ZNF225: variants seen among roughly 807,000 people sequenced by gnomAD.
ZNF225 encodes zinc finger protein 225.
Under a neutral mutation model 12.0 loss-of-function variants are expected in ZNF225, and 6 were observed. That is an observed-to-expected ratio of 0.50 (90% CI 0.27 to 0.98). The LOEUF (loss-of-function observed/expected upper bound fraction) is 0.98, where lower values mean the gene tolerates loss of function less well. ZNF225 is among the 50% of genes least tolerant of loss of function. The pLI, the probability that ZNF225 is intolerant of heterozygous loss-of-function variation, is 0.11. For missense variants in ZNF225, 763 were observed against 848.2 expected (o/e 0.90, Z 1.25); for synonymous variants, 271 against 283.2 (o/e 0.96, Z 0.43).
Position 44,133,526 on chromosome 19 carries a change from T to C in ZNF225, c.*791T>C, listed in dbSNP as rs1235173010. ...CATGTGAGCTCGCTTTAAGCATAAG[T>C]GAAGGAGTGGAAAAATCCTGGAGAT... On this transcript the variant is annotated 3_prime_UTR_variant, in exon 5 of 5. Coordinates refer to ENST00000262894, the MANE Select transcript of ZNF225 (RefSeq NM_013362.4). The C allele has an allele frequency of 1.3e-5, 2 of 152,038 alleles. No individual in the cohort carries two copies. The highest frequency in any genetic ancestry group is 2.9e-5 in the Non-Finnish European group (2 of 68,016). The allele number at this position is 152,038 out of a possible 1,614,324, so 9.4% of individuals were successfully genotyped here. A position where few individuals can be genotyped will look rare whatever the true frequency, so the allele number is the denominator to read the frequency against.
rs771314967 is a variant in ZNF225 at position 44,130,925 on chromosome 19, G to A, written c.311G>A (p.Trp104Ter). 1.9e-5 allele frequency: 31 copies of A among 1,613,916 alleles called. No homozygotes were observed. Among genetic ancestry groups the A allele is most frequent in the Middle Eastern group, 3.3e-4 (2 of 6,084 alleles). Residue 104 changes from tryptophan to a stop codon, truncating the protein, a stop_gained, in exon 5 of 5, where the codon TGG (tryptophan) becomes TAG (stop). Coordinates refer to ENST00000262894, the MANE Select transcript of ZNF225 (RefSeq NM_013362.4). LOFTEE classifies it low-confidence loss of function (END_TRUNC). ...THEGLFSHQT[W>*]EQISSDLTRF... ...GAAGGCTTGTTCAGTCATCAAACCTGGGAACAAATTTCAAGTGACTTAACC... is the reference window on the plus strand; with the variant it reads ...GAAGGCTTGTTCAGTCATCAAACCTAGGAACAAATTTCAAGTGACTTAACC...
chr19:44,131,743 T>C lies in ZNF225; in HGVS notation c.1129T>C (p.Cys377Arg). 1 of 1,614,216 alleles carries C rather than the reference T, an allele frequency of 6.2e-7. No homozygotes were observed. The highest frequency in any genetic ancestry group is 8.5e-7 in the Non-Finnish European group (1 of 1,180,040). ...GGAGAAGCCATATAATTGTAAAGAA[T>C]GTGGAAAGAGCTTCAGATGGGCCTC... ...TGEKPYNCKE[C>R]GKSFRWASGL... The change falls in exon 5 of 5, where the codon TGT becomes CGT. Residue 377 changes from cysteine to arginine, a missense_variant. Cys to Arg is a radical substitution (Grantham distance 180). Coordinates refer to ENST00000262894, the MANE Select transcript of ZNF225 (RefSeq NM_013362.4).
intron 4 of ZNF225, chr19:44,129,024 T>C: frequency 1.6e-6 from 2 of 1,228,228 alleles, no homozygotes; most frequent in South Asian, 4.1e-5. Context: ...ATCATCCCCC[T>C]TTGTGTATTT....
chr19:44,130,556 G>C (rs1030146503), intron 4 of ZNF225: 1 of 250,510 alleles, frequency 4.0e-6, no homozygotes, highest in Non-Finnish European at 7.6e-6. Flanking sequence ...AAATTAGCTG[G>C]GCGTGGTGGC....
intron 2 of ZNF225, among the ~76,000 whole-genome samples, chr19:44,117,350 T>C (rs1029970231): frequency 6.6e-6 from 1 of 152,236 alleles, no homozygotes; most frequent in African/African-American, 2.4e-5. Flanking sequence ...AATCAATGTA[T>C]GTAGTTTATG....
Position 44,132,122 on chromosome 19 carries a change from G to A in ZNF225, c.1508G>A (p.Arg503His), listed in dbSNP as rs751532423. 23 of 1,613,420 alleles carry A rather than the reference G, an allele frequency of 1.4e-5. No individual in the cohort carries two copies. The highest frequency in any genetic ancestry group is 9.9e-5 in the South Asian group (9 of 91,014). Reference protein sequence around the residue: ...FTQNSQLYTHRRVHSGEKPFK... With the variant: ...FTQNSQLYTHHRVHSGEKPFK... ...CAGAATTCACAACTTTATACCCATC[G>A]TAGAGTCCACAGTGGAGAAAAACCA... is the stretch of plus-strand genomic sequence containing the variant. The change falls in exon 5 of 5, where the codon CGT (arginine) becomes CAT (histidine). Residue 503 changes from arginine to histidine, a missense_variant. Physicochemically the swap from Arg to His is conservative, Grantham distance 29. Transcript: ENST00000262894.
At chr19:44,128,188 G>A (rs575463468) in intron 4 of ZNF225, among the ~76,000 whole-genome samples, 1 of 152,226 alleles carries the variant, frequency 6.6e-6, no homozygotes, top group South Asian at 2.1e-4. Context: ...TGAGGATAAG[G>A]GTGACACAAG....
At chr19:44,120,028 G>T (rs767502790) in intron 4 of ZNF225, among the ~76,000 whole-genome samples, 2 of 152,160 alleles carry the variant, frequency 1.3e-5, no homozygotes, top group African/African-American at 4.8e-5. Context: ...GACCAGCCTG[G>T]CCAACATGGT....
rs1555777696 is a variant in ZNF225, at chr19:44,130,964, C to T, written c.350C>T (p.Ser117Phe). 4.3e-6 allele frequency: 7 copies of T among 1,614,030 alleles called. No individual in the cohort carries two copies. In the Admixed American group the frequency reaches 5.0e-5, roughly 12 times the overall value. Residue 117 changes from serine (S) to phenylalanine (F), a missense_variant, in exon 5 of 5, where the codon TCC becomes TTC. Ser to Phe is a radical substitution (Grantham distance 155). Transcript: ENST00000262894. Reference sequence around the variant, plus strand: ...AGTGACTTAACCAGGTTTCAAGACTCCATGGTAAACAGCTTTCAGTTCTCC... The same window carrying T: ...AGTGACTTAACCAGGTTTCAAGACTTCATGGTAAACAGCTTTCAGTTCTCC... Reference protein sequence around the residue: ...ISSDLTRFQDSMVNSFQFSKQ... With the variant: ...ISSDLTRFQDFMVNSFQFSKQ...
Position 44,131,925 on chromosome 19 carries a change from C to G in ZNF225, c.1311C>G (p.Tyr437Ter). Residue 437 changes from tyrosine (Y) to a stop codon, truncating the protein, a stop_gained, in exon 5 of 5, where the codon TAC becomes TAG. Transcript: ENST00000262894. LOFTEE classifies it low-confidence loss of function (END_TRUNC). ...GATGTGAGGAGTGTGGGAAGGGCTA[C>G]AAAAGGAGGTTGGATCTTGACTTTC... ...PYRCEECGKGYKRRLDLDFHQ... is the reference protein window; with the variant it reads ...PYRCEECGKG The G allele has an allele frequency of 2.5e-6, 4 of 1,613,622 alleles. No individual in the cohort carries two copies. The highest frequency in any genetic ancestry group is 2.2e-5 in the East Asian group (1 of 44,808).
At chr19:44,126,610 A>G in intron 4 of ZNF225, among the ~76,000 whole-genome samples, 1 of 151,952 alleles carries the variant, frequency 6.6e-6, no homozygotes, top group East Asian at 1.9e-4. Context: ...TCCCAAGATT[A>G]TATGCCCTTT....
rs770182812 is a variant in ZNF225 at position 44,131,951 on chromosome 19, A to C, written c.1337A>C (p.His446Pro). 2 of 1,614,100 alleles carry C rather than the reference A, an allele frequency of 1.2e-6. No homozygotes were observed. Among genetic ancestry groups the C allele is most frequent in the African/African-American group, 2.7e-5 (2 of 75,030 alleles). Residue 446 changes from histidine (H) to proline (P), a missense_variant, in exon 5 of 5, where the codon CAT (histidine) becomes CCT (proline). His to Pro is a moderately conservative substitution (Grantham distance 77, BLOSUM62 -2). Coordinates refer to ENST00000262894, the MANE Select transcript of ZNF225 (RefSeq NM_013362.4). Reference sequence around the variant, plus strand: ...AAAAGGAGGTTGGATCTTGACTTTCATCAGAGGGTCCACAGAGGAGAGAAA... The same window carrying C: ...AAAAGGAGGTTGGATCTTGACTTTCCTCAGAGGGTCCACAGAGGAGAGAAA... ...GYKRRLDLDF[H>P]QRVHRGEKPY...
In ZNF225 at chr19:44,132,221, G is replaced by T; in HGVS notation, c.1607G>T (p.Gly536Val). 1.9e-6 allele frequency: 3 copies of T among 1,614,054 alleles called. No individual in the cohort carries two copies. The highest frequency in any genetic ancestry group is 2.5e-6 in the Non-Finnish European group (3 of 1,180,006). The change falls in exon 5 of 5, where the codon GGA becomes GTA. Residue 536 changes from glycine (G) to valine (V), a missense_variant. Physicochemically the swap from Gly to Val is moderately radical, Grantham distance 109. Coordinates refer to ENST00000262894, the MANE Select transcript of ZNF225 (RefSeq NM_013362.4). ...TATTCTCATCGCAGAGTCCACACTG[G>T]AGTAAAGCCATACAAATGTGAAGAG... ...QLYSHRRVHTGVKPYKCEECG... is the reference protein window; with the variant it reads ...QLYSHRRVHTVVKPYKCEECG...
In ZNF225 at chr19:44,132,430, AC is replaced by A; in HGVS notation, c.1817del (p.Thr606MetfsTer35). ...ATGTGAAGAGTGTGGGAAGAGATTT[AC>A]TGAGAATTCACAGCTTCATTCCCAT... is the stretch of plus-strand genomic sequence containing the variant. The part of the protein sequence containing the change: ...FKCEECGKRF[T>X]ENSQLHSHQR... On this transcript the variant is annotated frameshift_variant, in exon 5 of 5. Coordinates refer to ENST00000262894, the MANE Select transcript of ZNF225 (RefSeq NM_013362.4). LOFTEE classifies it low-confidence loss of function (END_TRUNC). The A allele has an allele frequency of 6.2e-7, 1 of 1,614,240 alleles. No individual in the cohort carries two copies. Among genetic ancestry groups the A allele is most frequent in the Middle Eastern group, 1.6e-4 (1 of 6,062 alleles).
intron 2 of ZNF225, among the ~76,000 whole-genome samples, chr19:44,116,111 C>T (rs560112801): frequency 1.3e-5 from 2 of 152,282 alleles, no homozygotes; most frequent in Admixed American, 6.5e-5. Context: ...ATCTGCCTGC[C>T]TTAGCCTCCC....
intron 1 of ZNF225, among the ~76,000 whole-genome samples, chr19:44,115,170 A>G (rs1314156671): frequency 1.3e-5 from 2 of 152,124 alleles, no homozygotes; most frequent in Non-Finnish European, 2.9e-5. Flanking sequence ...CATGTGGATG[A>G]ACAATTACCA....
intron 4 of ZNF225, 49 bp from the exon 5 acceptor site, chr19:44,130,801 T>G (rs1408083126): frequency 9.9e-6 from 15 of 1,516,650 alleles, no homozygotes; most frequent in Non-Finnish European, 1.2e-5. Context: ...TTGATAACAC[T>G]GAATAAAAGC....
At chr19:44,126,319 T>TA (rs1323521015) in intron 4 of ZNF225, among the ~76,000 whole-genome samples, 1 of 152,194 alleles carries the variant, frequency 6.6e-6, no homozygotes, top group African/African-American at 2.4e-5. Context: ...ATTCTGGGTT[T>TA]AGCTACCCAG....
At position 44,132,876 on chromosome 19, in the gene ZNF225, CCTAG is replaced by C; in HGVS notation, c.*145_*148del. On this transcript the variant is annotated 3_prime_UTR_variant, in exon 5 of 5. Transcript: ENST00000262894. ...GTTGGGAACCCTTAAAATTCACTGT[CCTAG>C]CTATTTGAAAATAATACGTTGTTAA... 1.3e-6 allele frequency: 1 copy of C among 769,952 alleles called. No individual in the cohort carries two copies. The highest frequency in any genetic ancestry group is 2.0e-6 in the Non-Finnish European group (1 of 505,742). 47.7% of individuals were successfully genotyped at this position (769,952 alleles called of 1,614,324 possible).
Sources: allele counts gnomAD v4.1 joint callset (sites outside exome capture counted in the v4.1 genomes callset), GRCh38; gene constraint gnomAD v4.1.1; transcripts MANE v1.5; gene names NCBI Gene and HGNC (gene_info 2026-07-23, HGNC 2026-07-21).